The following SLC25A21 variants were observed in gnomAD, a reference collection of about 807,000 sequenced individuals.
SLC25A21 encodes the protein solute carrier family 25 member 21.
In SLC25A21, 47 loss-of-function variants were observed where a neutral mutation model predicts 43.8. The ratio of observed to expected loss-of-function variants is 1.07; its 90% CI spans 0.85 to 1.37. The LOEUF is 1.37. Among genes scored for constraint, SLC25A21 ranks in the 40% most tolerant of loss-of-function variants. SLC25A21 has a pLI of 0.00. For synonymous variants in SLC25A21, 131 were observed against 121.3 expected, an observed-to-expected ratio of 1.08 and a Z score of -0.52; for missense variants, 352 against 350.2, an observed-to-expected ratio of 1.00 and a Z score of -0.04.
At position 37,124,002 on chromosome 14, in the gene SLC25A21, T is replaced by C. The variant is rs535780125; in HGVS notation, c.70+48279A>G. ...CAAATTAAGTTGGATTGGTTTCATT[T>C]TCTTATCATTATCTTTTTTTTTTTT... On this transcript the variant is annotated intron_variant, in intron 1 of 9. Transcript: ENST00000331299. Among the ~76,000 whole-genome samples, 6 of 152,308 alleles carry C rather than the reference T, an allele frequency of 3.9e-5. No homozygotes were observed. The East Asian group carries it at 9.6e-4, about 24-fold the overall frequency.
intron 3 of SLC25A21, among the ~76,000 whole-genome samples, chr14:36,801,430 T>C (rs1887865555): frequency 6.6e-6 from 1 of 152,094 alleles, no homozygotes; most frequent in Non-Finnish European, 1.5e-5. Context: ...AGCCCAGACG[T>C]GGCTTTGACT....
chr14:36,726,264 T>G (rs1472082656), intron 5 of SLC25A21, among the ~76,000 whole-genome samples: 1 of 152,126 alleles, frequency 6.6e-6, no homozygotes, highest in Non-Finnish European at 1.5e-5. Flanking sequence ...ATTGACGCAG[T>G]CTTCTAAACC....
chr14:37,009,493 A>G (rs1960683241), intron 1 of SLC25A21, among the ~76,000 whole-genome samples: 1 of 152,130 alleles, frequency 6.6e-6, no homozygotes, highest in Non-Finnish European at 1.5e-5. Context: ...CTCAAGAAAA[A>G]AAAAGAACTT....
chr14:36,981,350 A>C (rs1960016937), intron 1 of SLC25A21, among the ~76,000 whole-genome samples: 1 of 152,228 alleles, frequency 6.6e-6, no homozygotes, highest in Non-Finnish European at 1.5e-5. Flanking sequence ...CTATACCCAG[A>C]GGATTATAAA....
chr14:37,038,352 G>A (rs574929819), intron 1 of SLC25A21, among the ~76,000 whole-genome samples: 8 of 152,230 alleles, frequency 5.3e-5, no homozygotes, highest in East Asian at 1.9e-4. Context: ...TGAAAAATTT[G>A]TCTTTCTGCC....
intron 1 of SLC25A21, among the ~76,000 whole-genome samples, chr14:36,945,870 T>C (rs1197690740): frequency 6.6e-6 from 1 of 152,168 alleles, no homozygotes; most frequent in Non-Finnish European, 1.5e-5. Context: ...ATGGTAAATT[T>C]TATGTTATGT....
chr14:36,719,384 GAC>G (rs1317164850), intron 6 of SLC25A21, among the ~76,000 whole-genome samples: 1 of 152,220 alleles, frequency 6.6e-6, no homozygotes, highest in African/African-American at 2.4e-5. Context: ...AAGCCAAAGA[GAC>G]AACAGATCAG....
intron 2 of SLC25A21, among the ~76,000 whole-genome samples, chr14:36,853,616 T>C (rs1295240401): frequency 1.3e-5 from 2 of 152,132 alleles, no homozygotes; most frequent in African/African-American, 4.8e-5. Context: ...CTCAGCCCAT[T>C]TGGACATGTA....
intron 3 of SLC25A21, among the ~76,000 whole-genome samples, chr14:36,741,699 A>G (rs1885270031): frequency 6.6e-6 from 1 of 152,180 alleles, no homozygotes; most frequent in Non-Finnish European, 1.5e-5. Context: ...ACACTCACAC[A>G]CAGCATGAGA....
intron 2 of SLC25A21, among the ~76,000 whole-genome samples, chr14:36,860,877 T>A (rs1890047607): frequency 6.6e-6 from 1 of 152,204 alleles, no homozygotes; most frequent in South Asian, 2.1e-4. Context: ...TTACCAAAAA[T>A]GGATGATATT....
intron 1 of SLC25A21, among the ~76,000 whole-genome samples, chr14:37,159,689 C>G (rs4638467): frequency 6.6e-6 from 1 of 151,978 alleles, no homozygotes. Flanking sequence ...TGACTAATAC[C>G]TCAAAAGTAC....
chr14:36,862,400 A>G (rs1890092998), intron 2 of SLC25A21, among the ~76,000 whole-genome samples: 1 of 152,248 alleles, frequency 6.6e-6, no homozygotes, highest in Admixed American at 6.5e-5. Context: ...CAAATGTGGC[A>G]CATATACACC....
chr14:37,029,729 G>T (rs1566827063), intron 1 of SLC25A21, among the ~76,000 whole-genome samples: 1 of 147,174 alleles, frequency 6.8e-6, no homozygotes, highest in African/African-American at 2.5e-5. Flanking sequence ...AGCTTTTGAC[G>T]CCCCCAAAAC....
intron 1 of SLC25A21, among the ~76,000 whole-genome samples, chr14:36,883,421 T>C (rs186389987): frequency 3.0e-3 from 456 of 152,308 alleles, no homozygotes; most frequent in African/African-American, 0.01. Context: ...TGCCCCTCCT[T>C]AGCCCAGCAC....
intron 1 of SLC25A21, among the ~76,000 whole-genome samples, chr14:37,126,234 C>A (rs1044312629): frequency 6.6e-6 from 1 of 152,064 alleles, no homozygotes; most frequent in African/African-American, 2.4e-5. Context: ...CTATCACAGA[C>A]CTGGCAATTC....
intron 1 of SLC25A21, among the ~76,000 whole-genome samples, chr14:37,097,412 T>C (rs976380833): frequency 4.6e-5 from 7 of 152,114 alleles, no homozygotes; most frequent in Non-Finnish European, 7.3e-5. Context: ...ATGTGTTTTC[T>C]TGCGTTAAGG....
chr14:36,681,441 GA>G (rs1305987364), intron 9 of SLC25A21, among the ~76,000 whole-genome samples: 4 of 152,224 alleles, frequency 2.6e-5, no homozygotes, highest in African/African-American at 9.6e-5. Flanking sequence ...ATGTGATACA[GA>G]AAAGCAGGCA....
intron 1 of SLC25A21, among the ~76,000 whole-genome samples, chr14:37,058,396 C>A (rs1961875605): frequency 6.6e-6 from 1 of 152,176 alleles, no homozygotes. Context: ...CATCTGGTGG[C>A]AATCTTTGTT....
At chr14:36,918,704 G>T (rs973401236) in intron 1 of SLC25A21, among the ~76,000 whole-genome samples, 2 of 152,034 alleles carry the variant, frequency 1.3e-5, no homozygotes, top group Non-Finnish European at 1.5e-5. Context: ...CATTGTAAAT[G>T]ATCAGAAACC....
Sources: gnomAD v4.1 joint callset for allele counts (sites outside exome capture counted in the v4.1 genomes callset) on GRCh38, gnomAD v4.1.1 for gene constraint, MANE v1.5 for transcripts, NCBI Gene and HGNC (gene_info 2026-07-23, HGNC 2026-07-21) for gene names.